The following KL variants were observed in gnomAD, a reference collection of about 807,000 sequenced individuals.
The protein encoded by KL is alpha-klotho.
Under a neutral mutation model 84.2 loss-of-function variants are expected in KL, and 62 were observed. The ratio of observed to expected loss-of-function variants is 0.74; its 90% CI spans 0.60 to 0.91. The LOEUF (loss-of-function observed/expected upper bound fraction) is 0.91, where lower values mean the gene tolerates loss of function less well. Ranked by LOEUF, KL falls within the 40% of genes least tolerant of loss-of-function variation. The pLI is 0.00. For missense variants in KL, 1,261 were observed against 1,305.7 expected, an observed-to-expected ratio of 0.97 and a Z score of 0.53; for synonymous variants, 528 against 528.0, an observed-to-expected ratio of 1.00 and a Z score of 0.00.
intron 1 of KL, among the ~76,000 whole-genome samples, chr13:33,039,536 T>G (rs1871261618): frequency 6.6e-6 from 1 of 151,968 alleles, no homozygotes; most frequent in Non-Finnish European, 1.5e-5. Context: ...TGGGGTGCAT[T>G]GGGAAAGGAA....
chr13:33,049,177 T>C (rs1871651673), intron 1 of KL, among the ~76,000 whole-genome samples: 2 of 152,234 alleles, frequency 1.3e-5, no homozygotes, highest in Non-Finnish European at 1.5e-5. Context: ...TAATGGTATG[T>C]GCCTGAAAGT....
chr13:33,057,561 C>A (rs1872010492), intron 3 of KL, among the ~76,000 whole-genome samples: 1 of 152,136 alleles, frequency 6.6e-6, no homozygotes, highest in Non-Finnish European at 1.5e-5. Flanking sequence ...TCTCAGATCA[C>A]ACGGTCCTTT....
intron 1 of KL, among the ~76,000 whole-genome samples, chr13:33,040,499 C>A (rs1024387589): frequency 6.6e-6 from 1 of 152,052 alleles, no homozygotes; most frequent in Non-Finnish European, 1.5e-5. Flanking sequence ...CTGGAGGGCC[C>A]TTTTCTTAGA....
chr13:33,036,778 C>A (rs1044353070), intron 1 of KL, among the ~76,000 whole-genome samples: 1 of 152,088 alleles, frequency 6.6e-6, no homozygotes, highest in Admixed American at 6.6e-5. Context: ...CTTACTAAAA[C>A]AATTATCAAA....
At chr13:33,054,424 CA>C in intron 2 of KL, 147 bp downstream of exon 2, 2 of 792,766 alleles carry the variant, frequency 2.5e-6, no homozygotes, top group East Asian at 5.3e-5. Context: ...ATTCATTTAA[CA>C]CCTTTCTCAT....
rs1355398131 is a variant in KL at position 33,064,911 on chromosome 13, A to G, written c.*725A>G. On this transcript the variant is annotated 3_prime_UTR_variant, in exon 5 of 5. Transcript: ENST00000380099. ...GGGCCTTGCACATAGGAAACTTTTG[A>G]TAAGTATCTGCGGAAAAACAAACAT... 1 of 228,544 alleles carries G rather than the reference A, an allele frequency of 4.4e-6. No homozygotes were observed. The highest frequency in any genetic ancestry group is 8.7e-6 in the Non-Finnish European group (1 of 115,246). The allele number at this position is 228,544 out of a possible 1,614,324, so 14.2% of individuals were successfully genotyped here.
At chr13:33,022,748 C>T (rs1870621932) in intron 1 of KL, among the ~76,000 whole-genome samples, 1 of 152,142 alleles carries the variant, frequency 6.6e-6, no homozygotes, top group South Asian at 2.1e-4. Context: ...GCACAGACTA[C>T]CTATCATATT....
chr13:33,033,737 G>C (rs1055200869), intron 1 of KL, among the ~76,000 whole-genome samples: 13 of 151,896 alleles, frequency 8.6e-5, no homozygotes, highest in Admixed American at 8.5e-4. Context: ...CCCACTTTAC[G>C]AGCAGCGGAG....
chr13:33,056,915 C>T (rs573455115), intron 3 of KL, among the ~76,000 whole-genome samples: 1 of 152,260 alleles, frequency 6.6e-6, no homozygotes, highest in East Asian at 1.9e-4. Flanking sequence ...TGCCCTGCCC[C>T]GACTCTCTCC....
chr13:33,037,071 T>G (rs1871166332), intron 1 of KL, among the ~76,000 whole-genome samples: 1 of 152,208 alleles, frequency 6.6e-6, no homozygotes, highest in South Asian at 2.1e-4. Flanking sequence ...GTTTGAGGGC[T>G]TGTGAAAAGG....
At chr13:33,062,243 G>A (rs561127129) in intron 4 of KL, among the ~76,000 whole-genome samples, 19 of 152,162 alleles carry the variant, frequency 1.2e-4, no homozygotes, top group Non-Finnish European at 2.1e-4. Flanking sequence ...AGCTGGGCAC[G>A]GTGGCATATA....
At chr13:33,037,835 A>G (rs1175843152) in intron 1 of KL, among the ~76,000 whole-genome samples, 1 of 152,094 alleles carries the variant, frequency 6.6e-6, no homozygotes, top group Non-Finnish European at 1.5e-5. Context: ...TCCTAGATTA[A>G]CCAGATGAGA....
chr13:33,020,750 A>AT, intron 1 of KL, among the ~76,000 whole-genome samples: 1 of 152,278 alleles, frequency 6.6e-6, no homozygotes, highest in East Asian at 1.9e-4. Flanking sequence ...ATGGAGGTGC[A>AT]AGACACCATC....
intron 1 of KL, among the ~76,000 whole-genome samples, chr13:33,021,775 T>G (rs1273208992): frequency 6.6e-6 from 1 of 152,116 alleles, no homozygotes; most frequent in East Asian, 1.9e-4. Context: ...TCCCAGCTAC[T>G]TGGGAGGCTG....
rs1377999739 is a variant in KL at position 33,061,153 on chromosome 13, A to G, written c.2074A>G (p.Thr692Ala). ...TTGGATAACGATGAATGAGCCGTAT[A>G]CAAGGAATATGACATACAGTGCTGG... ...KLWITMNEPY[T>A]RNMTYSAGHN... The change falls in exon 4 of 5, where the codon ACA (threonine) becomes GCA (alanine). Residue 692 changes from threonine (T) to alanine (A), a missense_variant. Transcript: ENST00000380099. The G allele has an allele frequency of 6.2e-7, 1 of 1,614,256 alleles. No homozygotes were observed.
intron 4 of KL, 67 bp from the exon 5 acceptor site, chr13:33,063,782 A>G (rs943992954): frequency 2.0e-6 from 3 of 1,463,428 alleles, no homozygotes; most frequent in African/African-American, 2.8e-5. Context: ...GTCTCAAAAA[A>G]AAAAAAAAGT....
chr13:33,034,958 C>G (rs1205722757), intron 1 of KL, among the ~76,000 whole-genome samples: 3 of 152,164 alleles, frequency 2.0e-5, no homozygotes, highest in Non-Finnish European at 2.9e-5. Flanking sequence ...GTGATATTTC[C>G]TAATCTCTTC....
At chr13:33,053,274 C>T (rs372357179) in intron 1 of KL, among the ~76,000 whole-genome samples, 1 of 152,058 alleles carries the variant, frequency 6.6e-6, no homozygotes, top group Non-Finnish European at 1.5e-5. Flanking sequence ...ATTTTAGCTA[C>T]GAGAGATGAC....
chr13:33,016,443 G>GCCCGCCAGCGC lies in KL; in HGVS notation c.10_20dup (p.Arg8AlafsTer121), dbSNP rs1870328149. The GCCCGCCAGCGC allele has an allele frequency of 2.1e-6, 2 of 951,240 alleles. No homozygotes were observed. Among genetic ancestry groups the GCCCGCCAGCGC allele is most frequent in the Admixed American group, 6.6e-5 (1 of 15,178 alleles). The allele number at this position is 951,240 out of a possible 1,614,324, so 58.9% of individuals were successfully genotyped here. ...CCGGAGCCTGGCTCCCGCGCAGCATGCCCGCCAGCGCCCCGCCGCGCCGCC... is the reference window on the plus strand; with the variant it reads ...CCGGAGCCTGGCTCCCGCGCAGCATGCCCGCCAGCGCCCCGCCAGCGCCCCGCCGCGCCGCC... On this transcript the variant is annotated frameshift_variant, in exon 1 of 5. Coordinates refer to ENST00000380099, the MANE Select transcript of KL (RefSeq NM_004795.4). LOFTEE classifies it high-confidence loss of function.
Sources: gnomAD v4.1 joint callset for allele counts (sites outside exome capture counted in the v4.1 genomes callset) on GRCh38, gnomAD v4.1.1 for gene constraint, MANE v1.5 for transcripts, NCBI Gene and HGNC (gene_info 2026-07-23, HGNC 2026-07-21) for gene names.